The following ALAS1 variants were observed in gnomAD, a reference collection of about 807,000 sequenced individuals.
ALAS1 encodes the protein 5'-aminolevulinate synthase 1.
ALAS1 carries 29 observed loss-of-function variants against 59.6 expected under a neutral mutation model. The ratio of observed to expected loss-of-function variants is 0.49; its 90% CI spans 0.36 to 0.66. The LOEUF (loss-of-function observed/expected upper bound fraction) is 0.66, where lower values mean the gene tolerates loss of function less well. Ranked by LOEUF, ALAS1 falls within the 30% of genes least tolerant of loss-of-function variation. ALAS1 has a pLI of 0.00. For synonymous variants in ALAS1, 299 were observed against 296.6 expected (o/e 1.01, Z -0.08); for missense variants, 690 against 807.5 (o/e 0.85, Z 1.76).
intron 10 of ALAS1, 143 bp from the exon 11 acceptor site, chr3:52,212,115 C>T (rs758302799): frequency 1.9e-4 from 138 of 728,908 alleles, no homozygotes; most frequent in Non-Finnish European, 2.3e-4. Flanking sequence ...GTTTGGGCAG[C>T]GCTTTCCCTC....
rs1699258672 is a variant in ALAS1, at chr3:52,204,748, G to T, written c.633G>T (p.Lys211Asn). The change falls in exon 6 of 12, where the codon AAG (lysine) becomes AAT (asparagine). Residue 211 changes from lysine (K) to asparagine (N), a missense_variant. Lys to Asn is a moderately conservative substitution (Grantham distance 94). Coordinates refer to ENST00000484952, the MANE Select transcript of ALAS1 (RefSeq NM_000688.6). ...TTGAGAAAAAAATTGATGAGAAAAAGAATGACCACACCTATCGAGTTTTTA... is the reference window on the plus strand; with the variant it reads ...TTGAGAAAAAAATTGATGAGAAAAATAATGACCACACCTATCGAGTTTTTA... Reference protein sequence around the residue: ...RFFEKKIDEKKNDHTYRVFKT... With the variant: ...RFFEKKIDEKNNDHTYRVFKT... 6.2e-7 allele frequency: 1 copy of T among 1,614,138 alleles called. No individual in the cohort carries two copies. Among genetic ancestry groups the T allele is most frequent in the Admixed American group, 1.7e-5 (1 of 60,014 alleles).
intron 3 of ALAS1, among the ~76,000 whole-genome samples, chr3:52,200,239 ATTG>A (rs1699160666): frequency 6.6e-6 from 1 of 152,054 alleles, no homozygotes; most frequent in African/African-American, 2.4e-5. Context: ...GTACATTCAT[ATTG>A]TTGTGTCACC....
At position 52,206,635 on chromosome 3, in the gene ALAS1, G is replaced by C; in HGVS notation, c.1049G>C (p.Arg350Pro). 6.2e-7 allele frequency: 1 copy of C among 1,614,168 alleles called. No individual in the cohort carries two copies. Residue 350 changes from arginine (R) to proline (P), a missense_variant, in exon 8 of 12, where the codon CGA becomes CCA. Transcript: ENST00000484952. ...ATGATCCAAGGGATTCGAAACAGCC[G>C]AGTGCCAAAGTACATCTTCCGCCAC... The part of the protein sequence containing the change: ...ASMIQGIRNS[R>P]VPKYIFRHND...
chr3:52,206,533 C>T (rs373053276), intron 7 of ALAS1, 39 bp from the exon 8 acceptor site: 40 of 1,585,922 alleles, frequency 2.5e-5, no homozygotes, highest in African/African-American at 2.0e-4. Flanking sequence ...AATTTGTCTT[C>T]GATGCACATG....
At chr3:52,206,439 A>G in intron 7 of ALAS1, 133 bp from the exon 8 acceptor site, 1 of 1,028,070 alleles carries the variant, frequency 9.7e-7, no homozygotes, top group East Asian at 2.4e-5. Context: ...GCCAGGAAGA[A>G]ACTGGCACAC....
At chr3:52,202,207 A>G (rs1194188075) in intron 3 of ALAS1, among the ~76,000 whole-genome samples, 1 of 152,132 alleles carries the variant, frequency 6.6e-6, no homozygotes, top group African/African-American at 2.4e-5. Context: ...CAAATTAGCC[A>G]GGCATGGTGG....
In ALAS1 at chr3:52,198,180, C is replaced by T. The variant is rs1420829785; in HGVS notation, c.-285C>T. ...GCCTGAGGCTGCTCCCGGACAAGGG[C>T]AACGAGCGTTTCGTTTGGACTTCTC... is the stretch of plus-strand genomic sequence containing the variant. On this transcript the variant is annotated 5_prime_UTR_variant, in exon 1 of 12. Coordinates refer to ENST00000484952, the MANE Select transcript of ALAS1 (RefSeq NM_000688.6). 3 of 398,614 alleles carry T rather than the reference C, an allele frequency of 7.5e-6. No individual in the cohort carries two copies. Among genetic ancestry groups the T allele is most frequent in the African/African-American group, 2.1e-5 (1 of 48,624 alleles). The allele number at this position is 398,614 out of a possible 1,614,324, so 24.7% of individuals were successfully genotyped here.
chr3:52,204,753 A>G lies in ALAS1; in HGVS notation c.638A>G (p.Asp213Gly). Residue 213 changes from aspartate to glycine, a missense_variant, in exon 6 of 12, where the codon GAC becomes GGC. Coordinates refer to ENST00000484952, the MANE Select transcript of ALAS1 (RefSeq NM_000688.6). Reference sequence around the variant, plus strand: ...AAAAAAATTGATGAGAAAAAGAATGACCACACCTATCGAGTTTTTAAAACT... The same window carrying G: ...AAAAAAATTGATGAGAAAAAGAATGGCCACACCTATCGAGTTTTTAAAACT... ...FEKKIDEKKN[D>G]HTYRVFKTVN... 1.9e-6 allele frequency: 3 copies of G among 1,614,204 alleles called. No homozygotes were observed. Among genetic ancestry groups the G allele is most frequent in the Non-Finnish European group, 2.5e-6 (3 of 1,180,044 alleles).
At chr3:52,208,026 A>G in intron 8 of ALAS1, 57 bp from the exon 9 acceptor site, 2 of 1,470,228 alleles carry the variant, frequency 1.4e-6, no homozygotes, top group Non-Finnish European at 1.8e-6. Context: ...CTCTAACCAA[A>G]ACAGAAATTT....
chr3:52,206,059 T>C lies in ALAS1; in HGVS notation c.985+36T>C, dbSNP rs773262759. 1.9e-6 allele frequency: 3 copies of C among 1,547,884 alleles called. No individual in the cohort carries two copies. In the African/African-American group the frequency reaches 4.2e-5, roughly 21 times the overall value. ...CTGGCATGAGTGCCTTCGAGTTTTT[T>C]GGGTTTCTTAGTAATAACAAGAATA... On this transcript the variant is annotated intron_variant, in intron 7 of 11. Transcript: ENST00000484952.
intron 9 of ALAS1, among the ~76,000 whole-genome samples, chr3:52,209,455 C>T (rs908448317): frequency 6.6e-6 from 1 of 152,178 alleles, no homozygotes; most frequent in Admixed American, 6.5e-5. Context: ...GATCTGCCCG[C>T]CTCAGCCTCC....
At chr3:52,200,047 C>T (rs1033805742) in intron 3 of ALAS1, among the ~76,000 whole-genome samples, 8 of 152,190 alleles carry the variant, frequency 5.3e-5, no homozygotes, top group Non-Finnish European at 1.0e-4. Flanking sequence ...AACTCCTGAC[C>T]TCAAATGATC....
chr3:52,202,783 G>T (rs1428683286), intron 4 of ALAS1, 49 bp downstream of exon 4: 6 of 1,554,322 alleles, frequency 3.9e-6, no homozygotes, highest in Non-Finnish European at 5.3e-6. Context: ...GGTCCTTTTA[G>T]TTCTTTTGGG....
Position 52,208,218 on chromosome 3 carries a change from C to T in ALAS1, c.1301C>T (p.Pro434Leu), listed in dbSNP as rs762430327. The T allele has an allele frequency of 1.2e-5, 20 of 1,613,882 alleles. No individual in the cohort carries two copies. Among genetic ancestry groups the T allele is most frequent in the Non-Finnish European group, 1.7e-5 (20 of 1,179,976 alleles). ...ATTGGGGATCGGGATGGAGTCATGC[C>T]AAAAATGGACATCATTTCTGGAACA... ...GGIGDRDGVM[P>L]KMDIISGTLG... The change falls in exon 9 of 12, where the codon CCA becomes CTA. Residue 434 changes from proline to leucine, a missense_variant. Transcript: ENST00000484952.
intron 9 of ALAS1, among the ~76,000 whole-genome samples, chr3:52,210,393 C>T (rs1006875688): frequency 4.6e-5 from 7 of 152,304 alleles, no homozygotes; most frequent in East Asian, 3.9e-4. Context: ...GATTGGAAGA[C>T]CTGCATTTTG....
intron 9 of ALAS1, among the ~76,000 whole-genome samples, chr3:52,210,052 A>G (rs138819992): frequency 1.3e-5 from 2 of 152,344 alleles, no homozygotes; most frequent in African/African-American, 4.8e-5. Flanking sequence ...TTGAAAACCA[A>G]GTCTGGCCCT....
Position 52,203,847 on chromosome 3 carries a change from G to T in ALAS1, c.428-16G>T. 1 of 1,561,708 alleles carries T rather than the reference G, an allele frequency of 6.4e-7. No homozygotes were observed. Among genetic ancestry groups the T allele is most frequent in the Non-Finnish European group, 8.7e-7 (1 of 1,153,388 alleles). The stretch of plus-strand genomic sequence containing the variant: ...AGAAAGTTGGTCCCATTTGTTTCTT[G>T]TTACTTTTGTTCCAGAGGTTGCTGA... On this transcript the variant is annotated splice_polypyrimidine_tract_variant and intron_variant, in intron 4 of 11. Coordinates refer to ENST00000484952, the MANE Select transcript of ALAS1 (RefSeq NM_000688.6).
intron 3 of ALAS1, among the ~76,000 whole-genome samples, chr3:52,200,046 C>T (rs1699156770): frequency 6.6e-6 from 1 of 152,198 alleles, no homozygotes; most frequent in Non-Finnish European, 1.5e-5. Flanking sequence ...AAACTCCTGA[C>T]CTCAAATGAT....
Position 52,212,321 on chromosome 3 carries a change from G to T in ALAS1, c.1663G>T (p.Val555Leu). The T allele has an allele frequency of 6.2e-7, 1 of 1,614,104 alleles. No homozygotes were observed. Among genetic ancestry groups the T allele is most frequent in the Non-Finnish European group, 8.5e-7 (1 of 1,180,024 alleles). Residue 555 changes from valine (V) to leucine (L), a missense_variant, in exon 11 of 12, where the codon GTG becomes TTG. Physicochemically the swap from Val to Leu is conservative, Grantham distance 32. Transcript: ENST00000484952. ...ACTAATGAGCAGACATAACATCTAC[G>T]TGCAAGCAATCAATTACCCTACGGT... Reference protein sequence around the residue: ...DELMSRHNIYVQAINYPTVPR... With the variant: ...DELMSRHNIYLQAINYPTVPR...
Sources: gnomAD v4.1 joint callset for allele counts (sites outside exome capture counted in the v4.1 genomes callset) on GRCh38, gnomAD v4.1.1 for gene constraint, MANE v1.5 for transcripts, NCBI Gene and HGNC (gene_info 2026-07-23, HGNC 2026-07-21) for gene names.